GRAMD1C: variants seen among roughly 807,000 people sequenced by gnomAD.
The protein encoded by GRAMD1C is protein Aster-C.
GRAMD1C carries 89 observed loss-of-function variants against 97.8 expected under a neutral mutation model. The ratio of observed to expected loss-of-function variants is 0.91; its 90% confidence interval spans 0.77 to 1.09. The LOEUF is 1.09. GRAMD1C is among the 50% of genes least tolerant of loss of function. The pLI is 0.00. For missense variants in GRAMD1C, 740 were observed against 766.4 expected (o/e 0.97, Z 0.41); for synonymous variants, 256 against 267.0 (o/e 0.96, Z 0.40).
chr3:113,836,663 G>C (rs566434918), upstream of GRAMD1C, among the ~76,000 whole-genome samples: 2 of 151,808 alleles, frequency 1.3e-5, no homozygotes, highest in East Asian at 3.9e-4. Flanking sequence ...TATTATTTGA[G>C]ACGGAGTTTC....
intron 5 of GRAMD1C, among the ~76,000 whole-genome samples, chr3:113,878,185 T>G (rs1935122811): frequency 6.6e-6 from 1 of 152,248 alleles, no homozygotes; most frequent in African/African-American, 2.4e-5. Flanking sequence ...TCTTACCTTA[T>G]TCAATGAATT....
chr3:113,921,451 A>C (rs146215446), intron 10 of GRAMD1C, among the ~76,000 whole-genome samples: 1 of 152,224 alleles, frequency 6.6e-6, no homozygotes, highest in Non-Finnish European at 1.5e-5. Flanking sequence ...TGGTAGAACA[A>C]TTTATATTCC....
chr3:113,859,971 T>A (rs748759542), intron 2 of GRAMD1C, among the ~76,000 whole-genome samples: 4 of 152,142 alleles, frequency 2.6e-5, no homozygotes, highest in Non-Finnish European at 5.9e-5. Context: ...ATCCTTAACA[T>A]GAAATTAAGA....
At chr3:113,832,765 G>A (rs540470066) in intron 1 of GRAMD1C, among the ~76,000 whole-genome samples, 3 of 152,220 alleles carry the variant, frequency 2.0e-5, no homozygotes, top group South Asian at 4.1e-4. Flanking sequence ...AATAAAAACC[G>A]AGGAAGAAAA....
intron 3 of GRAMD1C, 76 bp from the exon 4 acceptor site, chr3:113,875,408 T>G (rs1239910133): frequency 1.4e-6 from 1 of 708,538 alleles, no homozygotes; most frequent in Non-Finnish European, 2.6e-6. Context: ...ACTTTCCATC[T>G]GTTGAAATAT....
At position 113,832,138 on chromosome 3, in the gene GRAMD1C, G is replaced by T. The variant is rs547448816; in HGVS notation, n.98+3859G>T. Among the ~76,000 whole-genome samples the T allele has an allele frequency of 6.6e-5, 10 of 152,138 alleles. No homozygotes were observed. The East Asian group carries it at 1.9e-3, about 29-fold the overall frequency. On this transcript the variant is annotated intron_variant and non_coding_transcript_variant, in intron 1 of 18. Coordinates refer to the GRAMD1C transcript ENST00000479212. ...TGCAGCCTCCATTTCCCCAGTTCAA[G>T]AGAGTCTCGTGCCTCAGCCTCACGA...
chr3:113,932,200 C>A lies in GRAMD1C; in HGVS notation c.1210-1311C>A, dbSNP rs76414315. On this transcript the variant is annotated intron_variant, in intron 11 of 17. Coordinates refer to ENST00000358160, the MANE Select transcript of GRAMD1C (RefSeq NM_017577.5). The stretch of plus-strand genomic sequence containing the variant: ...CTGAAAACATCTCTTAACATCTGAA[C>A]TAGTTGTGCTTATAAGAGCAAACAA... Among the ~76,000 whole-genome samples the A allele has an allele frequency of 3.1e-3, 468 of 152,276 alleles. 1 individual carries two copies. The highest frequency in any genetic ancestry group is 6.8e-3 in the Middle Eastern group (2 of 294).
intron 9 of GRAMD1C, among the ~76,000 whole-genome samples, chr3:113,911,171 G>GACACACACACACACACACAC (rs760223728): frequency 0.12 from 626 of 5,192 alleles, 7 homozygotes; most frequent in African/African-American, 0.19. Flanking sequence ...AACAGAGAGA[G>GACACACACACACACACACAC]AGACACACAC....
At chr3:113,934,603 T>C in intron 13 of GRAMD1C, 68 bp downstream of exon 13, 1 of 728,736 alleles carries the variant, frequency 1.4e-6, no homozygotes, top group South Asian at 1.8e-5. Context: ...GATTGATTCT[T>C]CATTTAGATT....
intron 3 of GRAMD1C, among the ~76,000 whole-genome samples, chr3:113,873,746 T>G (rs940146834): frequency 4.6e-5 from 7 of 152,218 alleles, no homozygotes. Flanking sequence ...CTCAAACTCC[T>G]GACCTCAGGT....
intron 6 of GRAMD1C, among the ~76,000 whole-genome samples, chr3:113,897,276 G>A (rs1935983795): frequency 5.3e-5 from 8 of 152,130 alleles, no homozygotes; most frequent in Admixed American, 5.2e-4. Flanking sequence ...AAATTAACCT[G>A]TAATATAGTT....
intron 9 of GRAMD1C, among the ~76,000 whole-genome samples, chr3:113,911,690 T>C (rs1049943698): frequency 5.6e-5 from 5 of 89,190 alleles, no homozygotes; most frequent in African/African-American, 2.4e-4. Flanking sequence ...TTTCTCTCTC[T>C]GTTTCTTTCC....
intron 6 of GRAMD1C, among the ~76,000 whole-genome samples, chr3:113,887,382 A>G (rs13100479): frequency 0.79 from 119,675 of 151,536 alleles, 47,425 homozygotes; most frequent in Middle Eastern, 0.88. Context: ...GTGAGCCACC[A>G]CACCCAGCCC....
At chr3:113,870,705 C>T (rs1934767948) in intron 3 of GRAMD1C, among the ~76,000 whole-genome samples, 1 of 151,940 alleles carries the variant, frequency 6.6e-6, no homozygotes, top group African/African-American at 2.4e-5. Flanking sequence ...ATAAACACAA[C>T]CATTCAGTAT....
chr3:113,834,926 T>C (rs112329170), upstream of GRAMD1C, among the ~76,000 whole-genome samples: 2,535 of 123,824 alleles, frequency 0.02, 66 homozygotes, highest in African/African-American at 0.07. Context: ...GTGACAAAAG[T>C]GAAACTCCGT....
chr3:113,939,712 T>C (rs1370543182), intron 15 of GRAMD1C, 174 bp from the exon 16 acceptor site: 2 of 515,372 alleles, frequency 3.9e-6, no homozygotes, highest in Non-Finnish European at 7.0e-6. Flanking sequence ...CTCCACTTAA[T>C]ACTTACAAGT....
intron 2 of GRAMD1C, among the ~76,000 whole-genome samples, chr3:113,860,616 A>G (rs1389379287): frequency 6.6e-6 from 1 of 152,212 alleles, no homozygotes; most frequent in Admixed American, 6.5e-5. Context: ...TACACTTCCC[A>G]GTTTTGAGGA....
chr3:113,930,672 T>C, intron 10 of GRAMD1C, 42 bp from the exon 11 acceptor site: 2 of 1,019,612 alleles, frequency 2.0e-6, no homozygotes, highest in Non-Finnish European at 1.6e-6. Context: ...TCATACTGTT[T>C]AAGTTTCTAG....
rs994173125 is a variant in GRAMD1C, at chr3:113,936,349, C to T, written c.1540C>T (p.Arg514Ter). 3.1e-6 allele frequency: 5 copies of T among 1,611,418 alleles called. No homozygotes were observed. The highest frequency in any genetic ancestry group is 1.3e-5 in the African/African-American group (1 of 74,816). The change falls in exon 14 of 18, where the codon CGA becomes TGA. Residue 514 changes from arginine to a stop codon, truncating the protein, a stop_gained. Transcript: ENST00000358160. LOFTEE classifies it high-confidence loss of function. ...GKLTGLRRRR[R>*]TFNRTAETVP... ...ACTTACTGGCCTACGAAGGAGAAGG[C>T]GAACCTTCAACCGAACAGCAGAAAC...
Sources: allele counts gnomAD v4.1 joint callset (sites outside exome capture counted in the v4.1 genomes callset), GRCh38; gene constraint gnomAD v4.1.1; transcripts MANE v1.5; gene names NCBI Gene and HGNC (gene_info 2026-07-23, HGNC 2026-07-21).